The following MYLK4 variants were observed in gnomAD, a reference collection of about 807,000 sequenced individuals.
The protein encoded by MYLK4 is caMLCK like.
Under a neutral mutation model 48.1 loss-of-function variants are expected in MYLK4, and 46 were observed. The ratio of observed to expected loss-of-function variants is 0.96; its 90% CI spans 0.75 to 1.22. MYLK4 has a LOEUF of 1.22. Ranked by LOEUF, MYLK4 falls within the 50% of genes most tolerant of loss-of-function variation. The pLI, the probability that MYLK4 is intolerant of heterozygous loss-of-function variation, is 0.00. For synonymous variants in MYLK4, 170 were observed against 180.8 expected (o/e 0.94, Z 0.48); for missense variants, 451 against 486.1 (o/e 0.93, Z 0.68).
intron 3 of MYLK4, among the ~76,000 whole-genome samples, chr6:2,691,049 C>G (rs1761776095): frequency 6.6e-6 from 1 of 152,018 alleles, no homozygotes; most frequent in South Asian, 2.1e-4. Flanking sequence ...CCAGGATGGT[C>G]TCCATCTCCT....
intron 8 of MYLK4, among the ~76,000 whole-genome samples, chr6:2,679,671 C>G (rs551340490): frequency 6.6e-6 from 1 of 152,262 alleles, no homozygotes; most frequent in South Asian, 2.1e-4. Context: ...ATGAGAACAT[C>G]TGAATTACAG....
chr6:2,760,571 C>T, the MYLK4 span, among the ~76,000 whole-genome samples: 1 of 152,200 alleles, frequency 6.6e-6, no homozygotes, highest in Admixed American at 6.5e-5. Context: ...ATTATATAGG[C>T]ACTCCTAGCA....
Position 2,749,183 on chromosome 6 carries a change from GA to G in MYLK4, c.111del (p.Leu38TrpfsTer26). The G allele has an allele frequency of 6.2e-7, 1 of 1,613,802 alleles. No homozygotes were observed. The highest frequency in any genetic ancestry group is 8.5e-7 in the Non-Finnish European group (1 of 1,179,922). On this transcript the variant is annotated frameshift_variant, in exon 2 of 13. Coordinates refer to ENST00000274643, the MANE Select transcript of MYLK4 (RefSeq NM_001012418.5). LOFTEE classifies it high-confidence loss of function. ...TCCTGGTCCCCAGAATTTTTTTCCA[GA>G]AAACACTTCACTTTCTCCACCTCTT... is the stretch of plus-strand genomic sequence containing the variant. ...CREEVEKVKC[F>X]LEKNSGDQDS...
chr6:2,770,312 T>C, the MYLK4 span: 5 of 1,614,154 alleles, frequency 3.1e-6, no homozygotes, highest in Non-Finnish European at 4.2e-6. Flanking sequence ...CGTCCTAGAC[T>C]CTAGCCGTCC....
At chr6:2,723,240 C>T (rs1225072010) in intron 2 of MYLK4, among the ~76,000 whole-genome samples, 1 of 152,190 alleles carries the variant, frequency 6.6e-6, no homozygotes, top group Non-Finnish European at 1.5e-5. Context: ...CTGCAGTGAG[C>T]TGAGATCACG....
chr6:2,718,104 T>C (rs1269029934), intron 2 of MYLK4, among the ~76,000 whole-genome samples: 2 of 149,342 alleles, frequency 1.3e-5, no homozygotes, highest in Non-Finnish European at 3.0e-5. Flanking sequence ...CATTTGAACC[T>C]GGGAGGTGGA....
chr6:2,767,859 G>A, the MYLK4 span, among the ~76,000 whole-genome samples: 1 of 152,176 alleles, frequency 6.6e-6, no homozygotes, highest in Non-Finnish European at 1.5e-5. Context: ...TGACTTGCGA[G>A]CCTGATTCCA....
intron 2 of MYLK4, among the ~76,000 whole-genome samples, chr6:2,747,955 T>C (rs1355517762): frequency 2.0e-5 from 3 of 152,210 alleles, no homozygotes; most frequent in Non-Finnish European, 2.9e-5. Context: ...CAAAAAAATG[T>C]TTCAATCTGA....
At chr6:2,725,387 G>A (rs1049833327) in intron 2 of MYLK4, among the ~76,000 whole-genome samples, 3 of 151,620 alleles carry the variant, frequency 2.0e-5, no homozygotes, top group Non-Finnish European at 4.4e-5. Flanking sequence ...GATCGCTTGA[G>A]CTCAGAAGTT....
chr6:2,762,296 G>T, the MYLK4 span, among the ~76,000 whole-genome samples: 148,927 of 152,344 alleles, frequency 0.98, 72,905 homozygotes, highest in East Asian at 1. Flanking sequence ...CGTAAAATTA[G>T]GTCTATATGC....
chr6:2,765,879 C>T, the MYLK4 span: 4 of 1,448,896 alleles, frequency 2.8e-6, no homozygotes, highest in East Asian at 6.1e-5. Flanking sequence ...CCAGCCACCC[C>T]GACGGCAGCC....
chr6:2,751,332 T>C (rs1764283123), upstream of MYLK4, among the ~76,000 whole-genome samples: 1 of 152,238 alleles, frequency 6.6e-6, no homozygotes, highest in African/African-American at 2.4e-5. Flanking sequence ...TAGAAGATCT[T>C]CTGAAAGCAG....
At chr6:2,763,796 G>A in the MYLK4 span, among the ~76,000 whole-genome samples, 4 of 152,294 alleles carry the variant, frequency 2.6e-5, no homozygotes, top group Middle Eastern at 3.4e-3. Flanking sequence ...GAGCGAGCGA[G>A]GACTGAGAGG....
the MYLK4 span, chr6:2,770,199 AC>A: frequency 6.2e-7 from 1 of 1,614,196 alleles, no homozygotes; most frequent in African/African-American, 1.3e-5. Flanking sequence ...TTCCAGGTCA[AC>A]GCTGCTCTTC....
intron 2 of MYLK4, among the ~76,000 whole-genome samples, chr6:2,736,831 G>C (rs1201784706): frequency 6.6e-6 from 1 of 152,212 alleles, no homozygotes; most frequent in East Asian, 1.9e-4. Flanking sequence ...AAAGGTTCTG[G>C]ACAAGACACC....
chr6:2,728,824 C>G (rs566778443), intron 2 of MYLK4, among the ~76,000 whole-genome samples: 1 of 152,342 alleles, frequency 6.6e-6, no homozygotes, highest in Admixed American at 6.5e-5. Context: ...CCTGGCATCT[C>G]TTTCTTCTTC....
intron 2 of MYLK4, among the ~76,000 whole-genome samples, chr6:2,737,450 A>G (rs1404628242): frequency 1.3e-5 from 2 of 152,244 alleles, no homozygotes; most frequent in Non-Finnish European, 2.9e-5. Flanking sequence ...ATGAAGTTCC[A>G]TTCTCCTTCT....
At chr6:2,722,108 C>T (rs187882893) in intron 2 of MYLK4, among the ~76,000 whole-genome samples, 114 of 152,182 alleles carry the variant, frequency 7.5e-4, no homozygotes, top group African/African-American at 2.5e-3. Flanking sequence ...CCTCAGATAC[C>T]AGCTGTGCTT....
intron 2 of MYLK4, among the ~76,000 whole-genome samples, chr6:2,739,697 A>T (rs556538093): frequency 6.6e-6 from 1 of 152,372 alleles, no homozygotes; most frequent in East Asian, 1.9e-4. Context: ...AAAAATCATT[A>T]CAATTAATAC....
Sources: allele counts gnomAD v4.1 joint callset (sites outside exome capture counted in the v4.1 genomes callset), GRCh38; gene constraint gnomAD v4.1.1; transcripts MANE v1.5; gene names NCBI Gene and HGNC (gene_info 2026-07-23, HGNC 2026-07-21).